PLXNA4: variants seen among roughly 807,000 people sequenced by gnomAD.
PLXNA4 encodes plexin A4.
Under a neutral mutation model 191.8 loss-of-function variants are expected in PLXNA4, and 44 were observed. The observed-to-expected ratio is 0.23, with a 90% confidence interval of 0.18 to 0.29. The LOEUF (loss-of-function observed/expected upper bound fraction) is 0.29. Ranked by LOEUF, PLXNA4 falls within the 10% of genes least tolerant of loss-of-function variation. The pLI is 1.00. For synonymous variants in PLXNA4, 1,082 were observed against 1,009.5 expected, an observed-to-expected ratio of 1.07 and a Z score of -1.36; for missense variants, 1,800 against 2,488.8, an observed-to-expected ratio of 0.72 and a Z score of 5.89.
intron 3 of PLXNA4, among the ~76,000 whole-genome samples, chr7:132,332,473 G>A (rs975861116): frequency 5.3e-5 from 8 of 152,214 alleles, no homozygotes; most frequent in Middle Eastern, 3.4e-3. Context: ...TGGGAAGGGC[G>A]GGAATCATCT....
intron 2 of PLXNA4, among the ~76,000 whole-genome samples, chr7:132,637,111 CT>C (rs1242954554): frequency 6.6e-6 from 1 of 152,172 alleles, no homozygotes; most frequent in Non-Finnish European, 1.5e-5. Context: ...CCCAAAGAGC[CT>C]TTTGATCATT....
intron 4 of PLXNA4, among the ~76,000 whole-genome samples, chr7:132,268,464 A>T (rs1024366976): frequency 5.3e-5 from 8 of 152,100 alleles, no homozygotes; most frequent in Non-Finnish European, 1.2e-4. Flanking sequence ...CAGTTTCACC[A>T]TGAGTTTGAA....
At chr7:132,512,506 A>G (rs1446885077) in intron 1 of PLXNA4, among the ~76,000 whole-genome samples, 1 of 152,224 alleles carries the variant, frequency 6.6e-6, no homozygotes, top group Non-Finnish European at 1.5e-5. Context: ...CACAGAAACA[A>G]TAACATGTAC....
intron 3 of PLXNA4, among the ~76,000 whole-genome samples, chr7:132,480,113 T>C (rs1443609089): frequency 6.6e-6 from 1 of 152,156 alleles, no homozygotes; most frequent in African/African-American, 2.4e-5. Flanking sequence ...CCTTCCTAAC[T>C]CCACATCATC....
At chr7:132,285,046 A>T (rs1256357367) in intron 4 of PLXNA4, among the ~76,000 whole-genome samples, 1 of 152,132 alleles carries the variant, frequency 6.6e-6, no homozygotes, top group African/African-American at 2.4e-5. Context: ...AAACATAGAC[A>T]TTCTTATAAC....
chr7:132,313,513 A>T lies in PLXNA4; in HGVS notation c.1372-15291T>A, dbSNP rs147670565. Among the ~76,000 whole-genome samples, 705 of 152,280 alleles carry T rather than the reference A, an allele frequency of 4.6e-3. 6 individuals are homozygous for T. Among genetic ancestry groups the T allele is most frequent in the African/African-American group, 0.015 (609 of 41,560 alleles). On this transcript the variant is annotated intron_variant, in intron 3 of 31. Transcript: ENST00000321063. ...GATGGGGCTTGAAGAATGAAGGACAAACTCTGGATTGTCACACCTGGGTGG... is the reference window on the plus strand; with the variant it reads ...GATGGGGCTTGAAGAATGAAGGACATACTCTGGATTGTCACACCTGGGTGG...
At chr7:132,581,354 A>G (rs1802399224), upstream of PLXNA4, among the ~76,000 whole-genome samples, 1 of 152,162 alleles carries the variant, frequency 6.6e-6, no homozygotes, top group South Asian at 2.1e-4. Flanking sequence ...CTTCCCTAGC[A>G]TGTGGGTGCA....
At chr7:132,256,984 G>A (rs1358053169) in intron 4 of PLXNA4, among the ~76,000 whole-genome samples, 1 of 152,230 alleles carries the variant, frequency 6.6e-6, no homozygotes, top group Non-Finnish European at 1.5e-5. Context: ...CCACATTCTG[G>A]TGAGGTAGCC....
chr7:132,165,016 T>G, intron 23 of PLXNA4, 118 bp downstream of exon 23: 1 of 1,420,028 alleles, frequency 7.0e-7, no homozygotes, highest in Non-Finnish European at 9.4e-7. Context: ...TTCCATTTCT[T>G]GTGGGGTTAT....
intron 1 of PLXNA4, among the ~76,000 whole-genome samples, chr7:132,514,802 GCACACA>G (rs10632716): frequency 6.7e-6 from 1 of 149,010 alleles, no homozygotes; most frequent in Admixed American, 6.7e-5. Context: ...GTGTCTCTAT[GCACACA>G]CACACACACA....
intron 4 of PLXNA4, among the ~76,000 whole-genome samples, chr7:132,244,558 A>C (rs1384584870): frequency 1.3e-5 from 2 of 152,130 alleles, no homozygotes; most frequent in Non-Finnish European, 2.9e-5. Context: ...CAAATTGGGG[A>C]GCCAACAGGA....
intron 3 of PLXNA4, among the ~76,000 whole-genome samples, chr7:132,315,589 T>C (rs1342021226): frequency 3.3e-5 from 5 of 152,172 alleles, no homozygotes; most frequent in Non-Finnish European, 7.3e-5. Flanking sequence ...TCATTTTCGA[T>C]CAGATATTCT....
At chr7:132,346,208 A>G (rs908626977) in intron 3 of PLXNA4, among the ~76,000 whole-genome samples, 2 of 152,176 alleles carry the variant, frequency 1.3e-5, no homozygotes, top group African/African-American at 4.8e-5. Context: ...AAATAATGCT[A>G]ACTTCATGGG....
intron 3 of PLXNA4, among the ~76,000 whole-genome samples, chr7:132,409,411 C>T (rs550374130): frequency 6.6e-6 from 1 of 152,320 alleles, no homozygotes; most frequent in East Asian, 1.9e-4. Context: ...CCGTTATGAG[C>T]ATGGGGCACC....
chr7:132,551,869 A>T (rs1429424363), intron 1 of PLXNA4, among the ~76,000 whole-genome samples: 3 of 152,196 alleles, frequency 2.0e-5, no homozygotes, highest in Non-Finnish European at 4.4e-5. Context: ...ATCTATTTTT[A>T]AAAAGCGGTG....
chr7:132,568,779 T>C (rs1801848061), intron 1 of PLXNA4, among the ~76,000 whole-genome samples: 1 of 152,212 alleles, frequency 6.6e-6, no homozygotes, highest in African/African-American at 2.4e-5. Context: ...CCCACGTCTC[T>C]AAGTCAGTGA....
intron 24 of PLXNA4, 26 bp downstream of exon 24, chr7:132,164,116 C>T (rs767640823): frequency 2.2e-5 from 36 of 1,612,808 alleles, no homozygotes; most frequent in Non-Finnish European, 2.9e-5. Flanking sequence ...GTCAAAGCCC[C>T]AGGGGAAACA....
intron 4 of PLXNA4, among the ~76,000 whole-genome samples, chr7:132,294,482 C>G (rs1801005780): frequency 6.6e-6 from 1 of 152,166 alleles, no homozygotes; most frequent in African/African-American, 2.4e-5. Context: ...AGGAATGACA[C>G]TATCTAACTC....
At chr7:132,323,816 T>TG (rs1224271894) in intron 3 of PLXNA4, among the ~76,000 whole-genome samples, 1 of 152,226 alleles carries the variant, frequency 6.6e-6, no homozygotes, top group Non-Finnish European at 1.5e-5. Flanking sequence ...TTTAAATATC[T>TG]GGGTGGCTGC....
Sources: allele counts gnomAD v4.1 joint callset (sites outside exome capture counted in the v4.1 genomes callset), GRCh38; gene constraint gnomAD v4.1.1; transcripts MANE v1.5; gene names NCBI Gene and HGNC (gene_info 2026-07-23, HGNC 2026-07-21).